The following TSKU variants were observed in gnomAD, a reference collection of about 807,000 sequenced individuals.
The protein encoded by TSKU is tsukushi, small leucine rich proteoglycan.
TSKU carries 4 observed loss-of-function variants against 11.2 expected under a neutral mutation model. The ratio of observed to expected loss-of-function variants is 0.36; its 90% CI spans 0.18 to 0.82. TSKU has a LOEUF of 0.82. TSKU is among the 40% of genes least tolerant of loss of function. TSKU has a pLI of 0.50. For missense variants in TSKU, 407 were observed against 482.5 expected (o/e 0.84, Z 1.47); for synonymous variants, 220 against 232.2 (o/e 0.95, Z 0.48).
chr11:76,794,489 A>G (rs1944415896), intron 1 of TSKU, among the ~76,000 whole-genome samples: 1 of 152,202 alleles, frequency 6.6e-6, no homozygotes. Context: ...GGCAACGCAT[A>G]TGAATATAGT....
At chr11:76,791,669 G>C (rs573015488) in intron 1 of TSKU, 12 of 152,386 alleles carry the variant, frequency 7.9e-5, no homozygotes, top group African/African-American at 2.9e-4. Flanking sequence ...AGCATCCACA[G>C]AAGGGGATAA....
At chr11:76,789,832 T>C (rs1944348081) in intron 1 of TSKU, among the ~76,000 whole-genome samples, 1 of 152,154 alleles carries the variant, frequency 6.6e-6, no homozygotes, top group Non-Finnish European at 1.5e-5. Context: ...GTGTGAATAC[T>C]GTTACACAGA....
intron 1 of TSKU, among the ~76,000 whole-genome samples, chr11:76,788,386 G>T (rs1240073794): frequency 6.6e-6 from 1 of 152,058 alleles, no homozygotes; most frequent in East Asian, 1.9e-4. Flanking sequence ...GTTCAAGCTG[G>T]AACCCAACAC....
chr11:76,797,799 T>C lies in TSKU; in HGVS notation c.*1121T>C, dbSNP rs7912. On this transcript the variant is annotated 3_prime_UTR_variant, in exon 2 of 2. Coordinates refer to ENST00000333090, the MANE Select transcript of TSKU (RefSeq NM_015516.4). ...CCATGTCTATGCTCTACCCCCAGGG[T>C]AGCATCTCAGCTTCCGAACCCTGGG... The C allele has an allele frequency of 0.081, 13,620 of 167,196 alleles. 735 individuals carry two copies. Among genetic ancestry groups the C allele is most frequent in the Middle Eastern group, 0.19 (56 of 296 alleles). The allele number at this position is 167,196 out of a possible 1,614,324, so 10.4% of individuals were successfully genotyped here.
chr11:76,787,414 C>T (rs1944323458), intron 1 of TSKU, among the ~76,000 whole-genome samples: 2 of 152,164 alleles, frequency 1.3e-5, no homozygotes, highest in Non-Finnish European at 2.9e-5. Flanking sequence ...TGGAGGAGGC[C>T]AGGTACTGGA....
rs569129315 is a variant in TSKU, at chr11:76,791,447, A to C, written c.-8-4162A>C. Among the ~76,000 whole-genome samples the C allele has an allele frequency of 6.6e-5, 10 of 151,348 alleles. No individual in the cohort carries two copies. In the East Asian group the frequency reaches 1.9e-3, roughly 29 times the overall value. ...CTCATCACAGGCCTGGAGGCGTAGG[A>C]GGAAAAAAATGGTTTCTCAGGCCAG... On this transcript the variant is annotated intron_variant, in intron 1 of 1. Coordinates refer to ENST00000333090, the MANE Select transcript of TSKU (RefSeq NM_015516.4).
intron 1 of TSKU, among the ~76,000 whole-genome samples, chr11:76,793,552 G>C (rs938715734): frequency 6.6e-6 from 1 of 152,190 alleles, no homozygotes; most frequent in Non-Finnish European, 1.5e-5. Flanking sequence ...GGGCCTTTGT[G>C]CTGTTTGTTT....
chr11:76,792,002 A>C (rs1212272716), intron 1 of TSKU: 2 of 153,736 alleles, frequency 1.3e-5, no homozygotes, highest in Non-Finnish European at 2.9e-5. Flanking sequence ...AACAGCTTGC[A>C]CTGTGCACCT....
chr11:76,789,467 G>T (rs1279606217), intron 1 of TSKU, among the ~76,000 whole-genome samples: 1 of 152,200 alleles, frequency 6.6e-6, no homozygotes, highest in African/African-American at 2.4e-5. Context: ...CCTGCCTGGA[G>T]CCTGTTGGGG....
At position 76,796,225 on chromosome 11, in the gene TSKU, A is replaced by T. The variant is rs1264617963; in HGVS notation, c.609A>T (p.Arg203=). The change falls in exon 2 of 2, where the codon CGA becomes CGT. Residue 203 remains arginine (R), a synonymous_variant. Coordinates refer to ENST00000333090, the MANE Select transcript of TSKU (RefSeq NM_015516.4). The surrounding 1 kb of genome is among the most constrained non-coding windows in gnomAD (Gnocchi z 4.1). Reference sequence around the variant, plus strand: ...GGCTCCATGCCGTGCCCAACCTCCGAGACTTGCCCCTGCGCTACCTGAGCC... The same window carrying T: ...GGCTCCATGCCGTGCCCAACCTCCGTGACTTGCCCCTGCGCTACCTGAGCC... ...WNRLHAVPNL[R]DLPLRYLSLD... 6.2e-7 allele frequency: 1 copy of T among 1,613,406 alleles called. No individual in the cohort carries two copies. Among genetic ancestry groups the T allele is most frequent in the Non-Finnish European group, 8.5e-7 (1 of 1,179,960 alleles).
upstream of TSKU, chr11:76,782,606 G>A (rs1944247229): frequency 6.7e-6 from 1 of 150,084 alleles, no homozygotes; most frequent in Non-Finnish European, 1.5e-5. Flanking sequence ...GAGCCCAAGA[G>A]CTACAGCAGG....
intron 1 of TSKU, among the ~76,000 whole-genome samples, chr11:76,789,568 T>C (rs753758445): frequency 6.6e-6 from 1 of 152,246 alleles, no homozygotes; most frequent in Non-Finnish European, 1.5e-5. Context: ...GCATGATTCA[T>C]GGCCCCTGCA....
In TSKU at chr11:76,797,466, C is replaced by T. The variant is rs757893724; in HGVS notation, c.*788C>T. 1 of 167,202 alleles carries T rather than the reference C, an allele frequency of 6.0e-6. No homozygotes were observed. The highest frequency in any genetic ancestry group is 1.5e-5 in the Non-Finnish European group (1 of 68,190). The allele number at this position is 167,202 out of a possible 1,614,324, so 10.4% of individuals were successfully genotyped here. On this transcript the variant is annotated 3_prime_UTR_variant, in exon 2 of 2. Coordinates refer to ENST00000333090, the MANE Select transcript of TSKU (RefSeq NM_015516.4). ...GCCTCACAAGTGGGACTCTGGGCCT[C>T]TGACCAGCTGTGCGGCATGGGCTAA...
chr11:76,783,255 G>A (rs1469478106), upstream of TSKU: 2 of 150,268 alleles, frequency 1.3e-5, no homozygotes, highest in East Asian at 3.9e-4. Context: ...GCCGGCCCGA[G>A]CCGCCACCCG....
In TSKU at chr11:76,789,553, A is replaced by G. The variant is rs145519996; in HGVS notation, c.-8-6056A>G. ...CTGTGGACCTGGCCCTGTGGGCCCA[A>G]CAATGCATGATTCATGGCCCCTGCA... On this transcript the variant is annotated intron_variant, in intron 1 of 1. Transcript: ENST00000333090. Among the ~76,000 whole-genome samples, 13 of 152,360 alleles carry G rather than the reference A, an allele frequency of 8.5e-5. No individual in the cohort carries two copies. In the East Asian group the frequency reaches 2.3e-3, roughly 27 times the overall value.
intron 1 of TSKU, among the ~76,000 whole-genome samples, chr11:76,789,064 C>T (rs566427412): frequency 3.3e-4 from 50 of 152,326 alleles, no homozygotes; most frequent in Non-Finnish European, 6.8e-4. Context: ...CATCAGGTCC[C>T]AGGTCCTGGG....
At chr11:76,793,076 C>T (rs931174365) in intron 1 of TSKU, among the ~76,000 whole-genome samples, 5 of 152,272 alleles carry the variant, frequency 3.3e-5, no homozygotes, top group South Asian at 4.1e-4. Context: ...TGCCCAGCCC[C>T]GGGCATAGGC....
At chr11:76,792,345 G>A (rs1204970745) in intron 1 of TSKU, 1 of 152,202 alleles carries the variant, frequency 6.6e-6, no homozygotes, top group Non-Finnish European at 1.5e-5. Flanking sequence ...AGGCTCGTAG[G>A]TGGAAGGGAC....
chr11:76,789,640 C>A (rs1248296182), intron 1 of TSKU, among the ~76,000 whole-genome samples: 1 of 152,242 alleles, frequency 6.6e-6, no homozygotes, highest in Admixed American at 6.5e-5. Context: ...AGCCCTTGTC[C>A]TCCTGTTCTT....
Sources: gnomAD v4.1 joint callset for allele counts (sites outside exome capture counted in the v4.1 genomes callset) on GRCh38, gnomAD v4.1.1 for gene constraint, Gnocchi (gnomAD v3.1) non-coding constraint, MANE v1.5 for transcripts, NCBI Gene and HGNC (gene_info 2026-07-23, HGNC 2026-07-21) for gene names.